The following DICER1 variants were observed in gnomAD, a reference collection of about 807,000 sequenced individuals.
The protein encoded by DICER1 is endoribonuclease Dicer.
In DICER1, 43 loss-of-function variants were observed where a neutral mutation model predicts 194.1. The ratio of observed to expected loss-of-function variants is 0.22; its 90% CI spans 0.17 to 0.29. The LOEUF is 0.29. DICER1 is among the 10% of genes least tolerant of loss of function. The pLI, the probability that DICER1 is intolerant of heterozygous loss-of-function variation, is 1.00. For missense variants in DICER1, 1,608 were observed against 2,317.0 expected (o/e 0.69, Z 6.28); for synonymous variants, 832 against 820.5 (o/e 1.01, Z -0.24).
chr14:95,129,344 G>T, intron 6 of DICER1, 128 bp downstream of exon 6: 1 of 832,538 alleles, frequency 1.2e-6, no homozygotes, highest in Non-Finnish European at 2.0e-6. Flanking sequence ...TCTTACTCTT[G>T]CCCATTCCTT....
At chr14:95,130,685 A>G (rs999464025) in intron 4 of DICER1, among the ~76,000 whole-genome samples, 1 of 152,200 alleles carries the variant, frequency 6.6e-6, no homozygotes, top group Non-Finnish European at 1.5e-5. Flanking sequence ...GTTTCAGTTC[A>G]GTGAGGAAGC....
At chr14:95,099,160 G>A (rs67254327) in intron 22 of DICER1, among the ~76,000 whole-genome samples, 9,818 of 152,218 alleles carry the variant, frequency 0.064, 403 homozygotes, top group African/African-American at 0.11. Context: ...GCTGGTTCCT[G>A]CAGTTTGGAG....
In DICER1 at chr14:95,091,086, G is replaced by A. The variant is rs1595312961; in HGVS notation, c.5551C>T (p.Arg1851Cys). ...LIEKFSANVP[R>C]SPVRELLEME... ...TCAAGCAATTCTCGCACAGGGGAAC[G>A]GGGTACATTTGCAGAAAACTTTTCT... is the stretch of plus-strand genomic sequence containing the variant. The change falls in exon 26 of 27, where the codon CGT becomes TGT. Residue 1851 changes from arginine (R) to cysteine (C), a missense_variant. Arg to Cys is a radical substitution (Grantham distance 180). Coordinates refer to ENST00000343455, the MANE Select transcript of DICER1 (RefSeq NM_177438.3). 3 of 1,614,040 alleles carry A rather than the reference G, an allele frequency of 1.9e-6. No individual in the cohort carries two copies. Among genetic ancestry groups the A allele is most frequent in the Non-Finnish European group, 2.5e-6 (3 of 1,179,970 alleles).
At position 95,091,171 on chromosome 14, in the gene DICER1, GT is replaced by G. The variant is rs759659916; in HGVS notation, c.5527+31del. ...TCTGAAGTTGTTTTTAATTTTGTGG[GT>G]TTTTTTCTTTCTAAAGGGAGCCAAC... is the stretch of plus-strand genomic sequence containing the variant. On this transcript the variant is annotated intron_variant, in intron 25 of 26. Coordinates refer to ENST00000343455, the MANE Select transcript of DICER1 (RefSeq NM_177438.3). 5.0e-6 allele frequency: 8 copies of G among 1,614,026 alleles called. No homozygotes were observed. The Admixed American group carries it at 6.7e-5, about 13-fold the overall frequency.
At chr14:95,128,726 C>T (rs1287567090) in intron 6 of DICER1, among the ~76,000 whole-genome samples, 1 of 152,204 alleles carries the variant, frequency 6.6e-6, no homozygotes, top group Non-Finnish European at 1.5e-5. Context: ...TATTCAAACC[C>T]ATGTCTGACT....
chr14:95,108,588 G>A, intron 14 of DICER1, 85 bp from the exon 15 acceptor site: 2 of 1,255,136 alleles, frequency 1.6e-6, no homozygotes, highest in African/African-American at 3.0e-5. Flanking sequence ...AATTAATTCT[G>A]GCTTTACTAA....
At chr14:95,107,785 T>C (rs201865084) in intron 16 of DICER1, 24 bp from the exon 17 acceptor site, 3 of 1,612,844 alleles carry the variant, frequency 1.9e-6, no homozygotes, top group Non-Finnish European at 2.5e-6. Flanking sequence ...AACGACTCTT[T>C]AGCTTGTTAA....
intron 9 of DICER1, 47 bp downstream of exon 9, chr14:95,117,575 A>G (rs769558489): frequency 3.1e-6 from 5 of 1,606,602 alleles, no homozygotes; most frequent in Admixed American, 1.7e-5. Context: ...CTTTGTCTGT[A>G]TATGTCCCGA....
chr14:95,126,815 C>T, intron 6 of DICER1, 67 bp from the exon 7 acceptor site: 3 of 261,810 alleles, frequency 1.1e-5, no homozygotes, highest in Admixed American at 9.2e-5. Context: ...AAAAGTTTTT[C>T]AAAAAGCAAA....
chr14:95,092,471 A>G lies in DICER1; in HGVS notation c.5365-1106T>C, dbSNP rs1889934882. On this transcript the variant is annotated intron_variant, in intron 24 of 26. Coordinates refer to ENST00000343455, the MANE Select transcript of DICER1 (RefSeq NM_177438.3). Reference sequence around the variant, plus strand: ...TTCTAATAGGTTGTTTAGCCATACAAAGTTACATATAATACATTTATACTG... The same window carrying G: ...TTCTAATAGGTTGTTTAGCCATACAGAGTTACATATAATACATTTATACTG... Among the ~76,000 whole-genome samples, 4 of 152,234 alleles carry G rather than the reference A, an allele frequency of 2.6e-5. No individual in the cohort carries two copies. In the South Asian group the frequency reaches 8.3e-4, roughly 31 times the overall value.
intron 4 of DICER1, among the ~76,000 whole-genome samples, chr14:95,130,596 C>A (rs544375812): frequency 5.5e-4 from 84 of 152,242 alleles, no homozygotes; most frequent in Middle Eastern, 6.8e-3. Flanking sequence ...ATTTTTGTAG[C>A]CTATCATTAT....
At position 95,122,925 on chromosome 14, in the gene DICER1, C is replaced by T. The variant is rs537690776; in HGVS notation, c.1376+1271G>A. ...TCAGAAGCAGTTAAGCGCGTGTGCGCGTGCGTGTACGCGCGCGCGCGCGCA... is the reference window on the plus strand; with the variant it reads ...TCAGAAGCAGTTAAGCGCGTGTGCGTGTGCGTGTACGCGCGCGCGCGCGCA... On this transcript the variant is annotated intron_variant, in intron 8 of 26. Transcript: ENST00000343455. 5.3e-3 allele frequency among the ~76,000 whole-genome samples: 803 copies of T among 151,466 alleles called. 3 individuals carry two copies. Among genetic ancestry groups the T allele is most frequent in the African/African-American group, 0.018 (742 of 41,264 alleles).
rs1256507372 is a variant in DICER1, at chr14:95,087,492, T to C, written c.*3006A>G. ...TGACACATTGCAGGCATTATAATTA[T>C]CTTTTTCAAATTCCATAAATCAAAA... is the stretch of plus-strand genomic sequence containing the variant. On this transcript the variant is annotated 3_prime_UTR_variant, in exon 27 of 27. Coordinates refer to ENST00000343455, the MANE Select transcript of DICER1 (RefSeq NM_177438.3). 4.3e-6 allele frequency: 1 copy of C among 233,090 alleles called. No individual in the cohort carries two copies. Among genetic ancestry groups the C allele is most frequent in the Non-Finnish European group, 8.5e-6 (1 of 118,018 alleles). 14.4% of individuals were successfully genotyped at this position (233,090 alleles called of 1,614,324 possible).
rs891004627 is a variant in DICER1 at position 95,090,077 on chromosome 14, C to T, written c.*421G>A. 2.5e-5 allele frequency: 9 copies of T among 359,684 alleles called. No homozygotes were observed. The highest frequency in any genetic ancestry group is 6.3e-5 in the African/African-American group (3 of 47,354). 22.3% of individuals were successfully genotyped at this position (359,684 alleles called of 1,614,324 possible). ...ACTGCAGGACTGGCACTACTGCACA[C>T]ACGGAGAGATGGAGAAGAATCTACA... On this transcript the variant is annotated 3_prime_UTR_variant, in exon 27 of 27. Coordinates refer to ENST00000343455, the MANE Select transcript of DICER1 (RefSeq NM_177438.3).
chr14:95,090,640 C>G lies in DICER1; in HGVS notation c.5627G>C (p.Gly1876Ala), dbSNP rs1238684646. 1 of 1,614,162 alleles carries G rather than the reference C, an allele frequency of 6.2e-7. No homozygotes were observed. The highest frequency in any genetic ancestry group is 1.1e-5 in the South Asian group (1 of 91,082). Residue 1876 changes from glycine (G) to alanine (A), a missense_variant, in exon 27 of 27, where the codon GGG becomes GCG. Gly to Ala is a moderately conservative substitution (Grantham distance 60). Transcript: ENST00000343455. Reference protein sequence around the residue: ...KFSPAERTYDGKVRVTVEVVG... With the variant: ...KFSPAERTYDAKVRVTVEVVG... The stretch of plus-strand genomic sequence containing the variant: ...TACTTCCACAGTGACTCTGACCTTC[C>G]CGTCGTAAGTTCTCTCAGCCGGGCT...
chr14:95,111,603 T>C, intron 13 of DICER1, 147 bp from the exon 14 acceptor site: 2 of 875,716 alleles, frequency 2.3e-6, no homozygotes, highest in South Asian at 2.9e-5. Flanking sequence ...AGTAATCAGA[T>C]TCACACTTCA....
At chr14:95,154,950 A>G (rs902491067) in intron 1 of DICER1, among the ~76,000 whole-genome samples, 4 of 152,140 alleles carry the variant, frequency 2.6e-5, no homozygotes, top group African/African-American at 9.7e-5. Context: ...AGCTTCATTC[A>G]TTCCACAAGT....
chr14:95,106,463 T>G (rs370830667), intron 17 of DICER1, among the ~76,000 whole-genome samples: 1 of 152,198 alleles, frequency 6.6e-6, no homozygotes, highest in African/African-American at 2.4e-5. Flanking sequence ...TATCTACATT[T>G]TGATAACACA....
Position 95,124,665 on chromosome 14 carries a change from G to GT in DICER1, c.906dup (p.Leu303ThrfsTer18). The GT allele has an allele frequency of 6.2e-7, 1 of 1,610,460 alleles. No homozygotes were observed. Among genetic ancestry groups the GT allele is most frequent in the Non-Finnish European group, 8.5e-7 (1 of 1,177,496 alleles). On this transcript the variant is annotated frameshift_variant, in exon 8 of 27. Coordinates refer to ENST00000343455, the MANE Select transcript of DICER1 (RefSeq NM_177438.3). LOFTEE classifies it high-confidence loss of function. The surrounding 1 kb of genome is among the most constrained non-coding windows in gnomAD (Gnocchi z 4.5). ...ACCAATACGGCACGACAGTCTGATA[G>GT]TATCTACAAAAAAAAGAAAAGAAAA...
Sources: allele counts gnomAD v4.1 joint callset (sites outside exome capture counted in the v4.1 genomes callset), GRCh38; gene constraint gnomAD v4.1.1; non-coding constraint Gnocchi (gnomAD v3.1); transcripts MANE v1.5; gene names NCBI Gene and HGNC (gene_info 2026-07-23, HGNC 2026-07-21).